NRG3: variants seen among roughly 807,000 people sequenced by gnomAD.
NRG3 encodes the protein neuregulin 3.
In NRG3, 31 loss-of-function variants were observed where a neutral mutation model predicts 66.9. The observed-to-expected ratio is 0.46, with a 90% CI of 0.35 to 0.63. NRG3 has a LOEUF of 0.63. NRG3 is among the 20% of genes least tolerant of loss of function. The probability of loss-of-function intolerance (pLI) is 0.00; values close to 1 mark genes in which losing one functional copy is unlikely to be tolerated. For synonymous variants in NRG3, 393 were observed against 359.4 expected, an observed-to-expected ratio of 1.09 and a Z score of -1.06; for missense variants, 910 against 878.9, an observed-to-expected ratio of 1.04 and a Z score of -0.45.
intron 1 of NRG3, among the ~76,000 whole-genome samples, chr10:81,954,468 G>A (rs1849639856): frequency 6.6e-6 from 1 of 152,108 alleles, no homozygotes; most frequent in African/African-American, 2.4e-5. Flanking sequence ...AGTTTGCTGA[G>A]TAAATTCTCT....
chr10:82,191,372 A>G (rs1165898582), intron 1 of NRG3, among the ~76,000 whole-genome samples: 2 of 152,178 alleles, frequency 1.3e-5, no homozygotes, highest in Non-Finnish European at 2.9e-5. Context: ...TGGTGCTTTC[A>G]TGATAAGTCT....
intron 1 of NRG3, among the ~76,000 whole-genome samples, chr10:82,012,371 C>G (rs1264348881): frequency 6.6e-6 from 1 of 152,160 alleles, no homozygotes; most frequent in Non-Finnish European, 1.5e-5. Flanking sequence ...CTGCCTAGGG[C>G]TCTAGGCCTA....
At chr10:82,083,832 G>T (rs1392887333) in intron 1 of NRG3, among the ~76,000 whole-genome samples, 1 of 151,024 alleles carries the variant, frequency 6.6e-6, no homozygotes, top group Non-Finnish European at 1.5e-5. Flanking sequence ...GGTCAGGCTG[G>T]TCTCAAACTC....
intron 3 of NRG3, among the ~76,000 whole-genome samples, chr10:82,760,548 C>T (rs920948830): frequency 1.3e-5 from 2 of 152,062 alleles, no homozygotes; most frequent in Admixed American, 6.6e-5. Context: ...TCGTCTCTGT[C>T]ATCTAACTTC....
intron 1 of NRG3, among the ~76,000 whole-genome samples, chr10:81,985,451 C>A (rs1334196455): frequency 6.6e-6 from 1 of 152,174 alleles, no homozygotes; most frequent in African/African-American, 2.4e-5. Context: ...GTAATTCTCA[C>A]CAATTTCAAA....
At chr10:82,159,527 C>T (rs946607859) in intron 1 of NRG3, among the ~76,000 whole-genome samples, 3 of 151,978 alleles carry the variant, frequency 2.0e-5, no homozygotes, top group East Asian at 1.9e-4. Context: ...GGGTGGCTAA[C>T]GCCCTCTGTT....
At chr10:82,895,125 TC>T (rs1451919395) in intron 4 of NRG3, among the ~76,000 whole-genome samples, 2 of 152,194 alleles carry the variant, frequency 1.3e-5, no homozygotes, top group Non-Finnish European at 2.9e-5. Context: ...TGCCACATTT[TC>T]TTTATCCAGT....
intron 2 of NRG3, among the ~76,000 whole-genome samples, chr10:82,448,290 C>G (rs2090844646): frequency 6.6e-6 from 1 of 152,184 alleles, no homozygotes. Context: ...ACCCGCTTTA[C>G]AGCATCTAGA....
chr10:82,149,191 C>T (rs2070503726), intron 1 of NRG3, among the ~76,000 whole-genome samples: 1 of 152,006 alleles, frequency 6.6e-6, no homozygotes, highest in Non-Finnish European at 1.5e-5. Context: ...AATTAAAATG[C>T]AGCTTGAACC....
chr10:82,707,144 T>C (rs2056357469), intron 2 of NRG3, among the ~76,000 whole-genome samples: 1 of 151,366 alleles, frequency 6.6e-6, no homozygotes, highest in African/African-American at 2.4e-5. Context: ...AACTTGAGGG[T>C]CTTTTTATAA....
chr10:82,192,637 T>C (rs1324946018), intron 1 of NRG3, among the ~76,000 whole-genome samples: 2 of 152,164 alleles, frequency 1.3e-5, no homozygotes, highest in African/African-American at 4.8e-5. Flanking sequence ...CCATTGTCCC[T>C]ATTATTTGTC....
intron 1 of NRG3, among the ~76,000 whole-genome samples, chr10:81,904,088 C>T (rs1237560241): frequency 1.3e-5 from 2 of 151,754 alleles, no homozygotes; most frequent in African/African-American, 4.8e-5. Context: ...CAGCTCCCTG[C>T]AACCTCTGCT....
intron 1 of NRG3, among the ~76,000 whole-genome samples, chr10:82,134,593 T>C (rs2069182695): frequency 6.6e-6 from 1 of 152,050 alleles, no homozygotes; most frequent in Admixed American, 6.6e-5. Flanking sequence ...ATTTCTGGAC[T>C]CTCTGTTCTG....
At chr10:81,944,432 A>G (rs1848663960) in intron 1 of NRG3, among the ~76,000 whole-genome samples, 3 of 152,260 alleles carry the variant, frequency 2.0e-5, no homozygotes, top group Admixed American at 2.0e-4. Flanking sequence ...AAAGACTAAA[A>G]GAAAACTTAA....
rs1039085522 is a variant in NRG3, at chr10:82,822,317, TTGA to T, written c.1028-43091_1028-43089del. Among the ~76,000 whole-genome samples, 11 of 152,068 alleles carry T rather than the reference TTGA, an allele frequency of 7.2e-5. No homozygotes were observed. The South Asian group carries it at 1.7e-3, about 23-fold the overall frequency. On this transcript the variant is annotated intron_variant, in intron 3 of 8. Transcript: ENST00000372141. ...TCCTGCAAGCAGAGCAGGACAGGTG[TTGA>T]TGCACATCTGAGACGGGGAGTTCCT...
intron 2 of NRG3, among the ~76,000 whole-genome samples, chr10:82,504,943 T>C (rs1477158517): frequency 6.6e-6 from 1 of 151,926 alleles, no homozygotes; most frequent in East Asian, 1.9e-4. Context: ...TTAGGAAAAA[T>C]GCTAAGTAAG....
intron 2 of NRG3, among the ~76,000 whole-genome samples, chr10:82,482,508 C>T (rs1012330322): frequency 1.1e-4 from 16 of 152,058 alleles, no homozygotes; most frequent in South Asian, 6.2e-4. Flanking sequence ...CCTTGGAGTA[C>T]GGGGACTTGG....
At chr10:82,369,363 G>T (rs1223505983) in intron 2 of NRG3, among the ~76,000 whole-genome samples, 1 of 138,392 alleles carries the variant, frequency 7.2e-6, no homozygotes. Flanking sequence ...CACTGGTACA[G>T]TCATGGCTCA....
intron 1 of NRG3, among the ~76,000 whole-genome samples, chr10:81,946,165 C>T (rs900904289): frequency 5.3e-5 from 8 of 152,196 alleles, no homozygotes; most frequent in Admixed American, 3.3e-4. Context: ...TACAGGCACC[C>T]GCCACTACGC....
Sources: gnomAD v4.1 joint callset for allele counts (sites outside exome capture counted in the v4.1 genomes callset) on GRCh38, gnomAD v4.1.1 for gene constraint, MANE v1.5 for transcripts, NCBI Gene and HGNC (gene_info 2026-07-23, HGNC 2026-07-21) for gene names.